FCN3: variants seen among roughly 807,000 people sequenced by gnomAD.
FCN3 encodes the protein ficolin-3.
FCN3 carries 28 observed loss-of-function variants against 31.5 expected under a neutral mutation model. The observed-to-expected ratio is 0.89, with a 90% CI of 0.66 to 1.22. The LOEUF (loss-of-function observed/expected upper bound fraction) is 1.22. FCN3 is among the 50% of genes most tolerant of loss of function. The pLI is 0.00. For missense variants in FCN3, 351 were observed against 386.8 expected (o/e 0.91, Z 0.78); for synonymous variants, 124 against 147.4 (o/e 0.84, Z 1.15).
In FCN3 at chr1:27,373,997, G is replaced by T; in HGVS notation, c.200C>A (p.Pro67Gln). The T allele has an allele frequency of 6.2e-7, 1 of 1,613,668 alleles. No individual in the cohort carries two copies. Among genetic ancestry groups the T allele is most frequent in the Non-Finnish European group, 8.5e-7 (1 of 1,179,918 alleles). Residue 67 changes from proline (P) to glutamine (Q), a missense_variant, in exon 3 of 8, where the codon CCA (proline) becomes CAA (glutamine). By Grantham distance (76) the Pro-to-Gln change is moderately conservative. Coordinates refer to ENST00000270879, the MANE Select transcript of FCN3 (RefSeq NM_003665.4). ...ACCCTTGGGGCCCATCTTGCCTGGT[G>T]GTCCAGGTGGCCCTGAAATCACAAA... is the stretch of plus-strand genomic sequence containing the variant. Reference protein sequence around the residue: ...GAPGPQGPPGPPGKMGPKGEP... With the variant: ...GAPGPQGPPGQPGKMGPKGEP...
chr1:27,373,046 C>G, intron 5 of FCN3, 90 bp downstream of exon 5: 1 of 1,470,360 alleles, frequency 6.8e-7, no homozygotes, highest in Non-Finnish European at 9.3e-7. Flanking sequence ...TAGGAAATGC[C>G]TTGCTCTGGT....
Position 27,369,381 on chromosome 1 carries a change from G to A in FCN3, c.755C>T (p.Ala252Val), listed in dbSNP as rs767839461. The change falls in exon 8 of 8, where the codon GCC (alanine) becomes GTC (valine). Residue 252 changes from alanine to valine, a missense_variant. Ala to Val is a moderately conservative substitution (Grantham distance 64). Transcript: ENST00000270879. ...TCGGTAACAGGATGCATACCACCAG[G>A]CACCGTGGACAATCACTGCACAGTT... ...NSNCAVIVHG[A>V]WWYASCYRSN... is the part of the protein sequence containing the mutation. 1.2e-6 allele frequency: 2 copies of A among 1,614,232 alleles called. No individual in the cohort carries two copies. The highest frequency in any genetic ancestry group is 3.3e-5 in the Admixed American group (2 of 60,034).
chr1:27,372,392 C>T (rs913153168), intron 5 of FCN3, among the ~76,000 whole-genome samples: 27 of 152,108 alleles, frequency 1.8e-4, no homozygotes, highest in African/African-American at 6.0e-4. Flanking sequence ...GGATTACAGG[C>T]GCCCACCATC....
At chr1:27,374,119 C>T in intron 2 of FCN3, 110 bp from the exon 3 acceptor site, 2 of 1,021,508 alleles carry the variant, frequency 2.0e-6, no homozygotes, top group Middle Eastern at 2.1e-4. Flanking sequence ...CCTTCACTCA[C>T]TTTGTGATTG....
intron 5 of FCN3, among the ~76,000 whole-genome samples, chr1:27,371,599 A>G (rs1389671573): frequency 6.6e-6 from 1 of 152,080 alleles, no homozygotes; most frequent in Non-Finnish European, 1.5e-5. Context: ...AAACAAAAAA[A>G]CCAAGATATT....
At chr1:27,369,689 C>T (rs1329729478) in intron 7 of FCN3, among the ~76,000 whole-genome samples, 1 of 152,014 alleles carries the variant, frequency 6.6e-6, no homozygotes, top group Non-Finnish European at 1.5e-5. Flanking sequence ...CTCCAAAGCT[C>T]CCAGCTTTTC....
chr1:27,374,540 C>T, intron 1 of FCN3, 89 bp from the exon 2 acceptor site: 7 of 938,306 alleles, frequency 7.5e-6, no homozygotes, highest in Non-Finnish European at 1.2e-5. Context: ...CAGATTCCCA[C>T]TGTCAGGATG....
intron 7 of FCN3, 92 bp downstream of exon 7, chr1:27,370,504 G>A: frequency 1.8e-6 from 2 of 1,083,756 alleles, no homozygotes; most frequent in Admixed American, 2.1e-5. Context: ...GCCCACAGAG[G>A]AGACAGGATT....
intron 7 of FCN3, among the ~76,000 whole-genome samples, chr1:27,369,703 CT>C (rs199907175): frequency 0.019 from 2,908 of 152,090 alleles, 42 homozygotes; most frequent in Middle Eastern, 0.048. Context: ...GCTTTTCCCC[CT>C]GTCTTACCCC....
At chr1:27,371,659 C>T (rs1327791750) in intron 5 of FCN3, among the ~76,000 whole-genome samples, 4 of 152,252 alleles carry the variant, frequency 2.6e-5, no homozygotes, top group African/African-American at 9.6e-5. Context: ...CCTGGCCTTA[C>T]CCTGATGTCT....
chr1:27,374,241 T>A, intron 2 of FCN3, 115 bp downstream of exon 2: 2 of 783,782 alleles, frequency 2.6e-6, no homozygotes. Context: ...AGCCTGGAGC[T>A]GGCACAGAGT....
intron 5 of FCN3, among the ~76,000 whole-genome samples, chr1:27,371,958 G>T (rs1034559705): frequency 7.2e-5 from 11 of 151,910 alleles, no homozygotes. Context: ...ATGGGGTTTT[G>T]CCATGTTGCC....
intron 1 of FCN3, 32 bp from the exon 2 acceptor site, chr1:27,374,483 G>A (rs757779855): frequency 1.4e-6 from 2 of 1,433,800 alleles, no homozygotes; most frequent in Non-Finnish European, 2.0e-6. Flanking sequence ...GTGGGCACAG[G>A]GTAGACTGTC....
At chr1:27,373,839 T>G in intron 3 of FCN3, 126 bp downstream of exon 3, 1 of 856,978 alleles carries the variant, frequency 1.2e-6, no homozygotes, top group Non-Finnish European at 1.9e-6. Flanking sequence ...TCCTTCCCAC[T>G]CCTCCCAGCC....
At chr1:27,374,658 G>A in intron 1 of FCN3, 70 bp downstream of exon 1, 1 of 964,384 alleles carries the variant, frequency 1.0e-6, no homozygotes, top group East Asian at 2.8e-5. Context: ...AGGTTGATGA[G>A]CCTTGGTGGG....
Position 27,369,147 on chromosome 1 carries a change from C to A in FCN3, c.*89G>T. The A allele has an allele frequency of 6.8e-7, 1 of 1,463,454 alleles. No individual in the cohort carries two copies. The allele number at this position is 1,463,454 out of a possible 1,614,324, so 90.7% of individuals were successfully genotyped here. A position where few individuals can be genotyped will look rare whatever the true frequency, so the allele number is the denominator to read the frequency against. ...AAATGATTTTATTTTTAAATGTGGA[C>A]AGGCAAGCAGAGGTGGTTGGCAAAG... On this transcript the variant is annotated 3_prime_UTR_variant, in exon 8 of 8. Coordinates refer to ENST00000270879, the MANE Select transcript of FCN3 (RefSeq NM_003665.4).
At chr1:27,373,723 G>A in intron 3 of FCN3, 1 of 656,684 alleles carries the variant, frequency 1.5e-6, no homozygotes, top group Non-Finnish European at 2.6e-6. Context: ...CCCTGTAGGA[G>A]GGCCTTCATA....
In FCN3 at chr1:27,369,222, G is replaced by A; in HGVS notation, c.*14C>T. The stretch of plus-strand genomic sequence containing the variant: ...CTGTACAGGAGAGATAAGGGCACTG[G>A]CTGCCAGAGTGCCCTATCGAAGCAT... On this transcript the variant is annotated 3_prime_UTR_variant, in exon 8 of 8. Coordinates refer to ENST00000270879, the MANE Select transcript of FCN3 (RefSeq NM_003665.4). The A allele has an allele frequency of 6.2e-7, 1 of 1,613,720 alleles. No homozygotes were observed. Among genetic ancestry groups the A allele is most frequent in the Non-Finnish European group, 8.5e-7 (1 of 1,179,642 alleles).
intron 3 of FCN3, 85 bp downstream of exon 3, chr1:27,373,880 G>A: frequency 8.4e-7 from 1 of 1,197,464 alleles, no homozygotes; most frequent in Non-Finnish European, 1.2e-6. Context: ...GCCATCATAG[G>A]CACAGCAGCC....
Sources: gnomAD v4.1 joint callset for allele counts (sites outside exome capture counted in the v4.1 genomes callset) on GRCh38, gnomAD v4.1.1 for gene constraint, MANE v1.5 for transcripts, NCBI Gene and HGNC (gene_info 2026-07-23, HGNC 2026-07-21) for gene names.